MAX: variants seen among roughly 807,000 people sequenced by gnomAD.
MAX encodes MYC associated transcriptional regulator X.
MAX carries 3 observed loss-of-function variants against 22.3 expected under a neutral mutation model. The ratio of observed to expected loss-of-function variants is 0.13; its 90% CI spans 0.06 to 0.35. The LOEUF (loss-of-function observed/expected upper bound fraction) is 0.35. Ranked by LOEUF, MAX falls within the 10% of genes least tolerant of loss-of-function variation. The probability of loss-of-function intolerance (pLI) is 1.00; values close to 1 mark genes in which losing one functional copy is unlikely to be tolerated. For missense variants in MAX, 119 were observed against 209.4 expected, an observed-to-expected ratio of 0.57 and a Z score of 2.66; for synonymous variants, 72 against 77.7, an observed-to-expected ratio of 0.93 and a Z score of 0.39.
chr14:65,061,060 T>TCAAAAA, intron 3 of MAX: 1 of 1,486,086 alleles, frequency 6.7e-7, no homozygotes, highest in South Asian at 1.3e-5. Flanking sequence ...CCTTTGGGCT[T>TCAAAAA]TGTGTGTATC....
At position 65,102,467 on chromosome 14, in the gene MAX, G is replaced by GCTCT. The variant is rs1325307213; in HGVS notation, c.-132_-129dup. 6.6e-6 allele frequency: 10 copies of GCTCT among 1,523,134 alleles called. No individual in the cohort carries two copies. Among genetic ancestry groups the GCTCT allele is most frequent in the Non-Finnish European group, 8.8e-6 (10 of 1,137,158 alleles). The allele number at this position is 1,523,134 out of a possible 1,614,324, so 94.4% of individuals were successfully genotyped here. ...CACACACTCACTCACTCACTCACTC[G>GCTCT]CTCTCTCACTCACACACACACACAA... On this transcript the variant is annotated 5_prime_UTR_variant, in exon 1 of 5. Coordinates refer to ENST00000358664, the MANE Select transcript of MAX (RefSeq NM_002382.5).
intron 3 of MAX, chr14:65,016,382 T>C (rs1048938306): frequency 1.3e-5 from 2 of 152,222 alleles, no homozygotes; most frequent in Non-Finnish European, 2.9e-5. Context: ...GTCCTAGGGA[T>C]ACCTGGAATA....
At chr14:65,036,128 C>G (rs2062186048) in intron 3 of MAX, among the ~76,000 whole-genome samples, 1 of 152,134 alleles carries the variant, frequency 6.6e-6, no homozygotes, top group South Asian at 2.1e-4. Context: ...CCACGATGGC[C>G]AGCCTGCCAT....
intron 3 of MAX, among the ~76,000 whole-genome samples, chr14:65,060,030 A>G (rs1377205937): frequency 6.6e-6 from 1 of 151,216 alleles, no homozygotes; most frequent in Non-Finnish European, 1.5e-5. Context: ...ACGGGGTTTC[A>G]CCATCTTGGC....
intron 3 of MAX, chr14:65,053,471 C>A: frequency 2.4e-6 from 2 of 850,580 alleles, no homozygotes; most frequent in Non-Finnish European, 3.1e-6. Flanking sequence ...ACCTGCATAG[C>A]GCTAGGTTGT....
At chr14:65,043,283 C>G (rs927975340) in intron 3 of MAX, among the ~76,000 whole-genome samples, 20 of 152,190 alleles carry the variant, frequency 1.3e-4, no homozygotes, top group African/African-American at 4.8e-4. Context: ...GTTTAGAAAA[C>G]TTGTAGATAA....
At chr14:65,039,448 A>G (rs1187136216) in intron 3 of MAX, among the ~76,000 whole-genome samples, 1 of 152,184 alleles carries the variant, frequency 6.6e-6, no homozygotes, top group East Asian at 1.9e-4. Flanking sequence ...GGATTTGAGT[A>G]GGGGACTTAA....
rs2062517285 is a variant in MAX at position 65,047,860 on chromosome 14, G to A, written c.172-41576C>T. On this transcript the variant is annotated intron_variant, in intron 3 of 3. Coordinates refer to the MAX transcript ENST00000341653. This position sits in a 1 kb window ranked among gnomAD's most constrained non-coding sequence, Gnocchi z 5.2. ...GGGGCGGGGCCTGGAGCAGTGCCTG[G>A]GCACACAGCCCGAGATGTACACAGC... Among the ~76,000 whole-genome samples the A allele has an allele frequency of 6.6e-6, 1 of 151,448 alleles. No homozygotes were observed. Among genetic ancestry groups the A allele is most frequent in the Non-Finnish European group, 1.5e-5 (1 of 67,844 alleles).
chr14:65,040,839 C>T (rs2062335298), intron 3 of MAX: 1 of 1,613,836 alleles, frequency 6.2e-7, no homozygotes, highest in Non-Finnish European at 8.5e-7. Flanking sequence ...GATGGAAGCC[C>T]ATGGTGGCTA....
At chr14:65,102,071 G>A (rs1291329107) in intron 1 of MAX, among the ~76,000 whole-genome samples, 1 of 152,194 alleles carries the variant, frequency 6.6e-6, no homozygotes, top group Admixed American at 6.5e-5. Flanking sequence ...AAGGGAGGAG[G>A]TGGGGGTCCC....
chr14:65,040,063 G>A (rs931486026), intron 3 of MAX, among the ~76,000 whole-genome samples: 1 of 152,020 alleles, frequency 6.6e-6, no homozygotes, highest in African/African-American at 2.4e-5. Context: ...GGTGGGGCAC[G>A]CCCATAGTCC....
intron 3 of MAX, among the ~76,000 whole-genome samples, chr14:65,060,919 A>G (rs2062852571): frequency 6.7e-6 from 1 of 149,632 alleles, no homozygotes; most frequent in Non-Finnish European, 1.5e-5. Context: ...TATTGTACAT[A>G]CTGTTTTCTC....
chr14:65,082,133 T>C lies in MAX; in HGVS notation c.172-4097A>G, dbSNP rs1460677716. 1.3e-5 allele frequency: 2 copies of C among 152,308 alleles called. No homozygotes were observed. Among genetic ancestry groups the C allele is most frequent in the East Asian group, 3.9e-4 (2 of 5,180 alleles). The allele number at this position is 152,308 out of a possible 1,614,324, so 9.4% of individuals were successfully genotyped here. ...CAGAGCTGTAATTTACCCAATGTTA[T>C]GTAAACTAATAGGAAGTTGAGTCAG... On this transcript the variant is annotated intron_variant, in intron 3 of 4. Transcript: ENST00000358664. The surrounding 1 kb of genome is among the most constrained non-coding windows in gnomAD (Gnocchi z 4.8).
At position 65,069,418 on chromosome 14, in the gene MAX, G is replaced by A. The variant is rs1397337173; in HGVS notation, c.171+24290C>T. On this transcript the variant is annotated intron_variant, in intron 3 of 3. Transcript: ENST00000341653. This position sits in a 1 kb window ranked among gnomAD's most constrained non-coding sequence, Gnocchi z 4.6. ...GAGGGCCCATCTCCTGAACTCCTCT[G>A]GCATTCAGAGCCCAGACGTGCATTT... is the stretch of plus-strand genomic sequence containing the variant. 1.3e-5 allele frequency among the ~76,000 whole-genome samples: 2 copies of A among 152,184 alleles called. No homozygotes were observed. The highest frequency in any genetic ancestry group is 2.1e-4 in the South Asian group (1 of 4,826).
At chr14:65,006,229 A>G in exon 4 of MAX, 1 of 1,613,488 alleles carries the variant, frequency 6.2e-7, no homozygotes, top group Non-Finnish European at 8.5e-7. Flanking sequence ...AACAGTTGGA[A>G]AAGGCAAGTG....
Position 65,101,452 on chromosome 14 carries a change from TTAAAAG to T in MAX, c.63+88_63+93del. 3 of 1,155,502 alleles carry T rather than the reference TTAAAAG, an allele frequency of 2.6e-6. No homozygotes were observed. In the South Asian group the frequency reaches 4.1e-5, roughly 16 times the overall value. The allele number at this position is 1,155,502 out of a possible 1,614,324, so 71.6% of individuals were successfully genotyped here. ...GTTAACATTAGAGTTTACTACAATA[TTAAAAG>T]TAATAGTACGATCTCTTTTTCTCTC... On this transcript the variant is annotated intron_variant, in intron 2 of 4. Coordinates refer to ENST00000358664, the MANE Select transcript of MAX (RefSeq NM_002382.5).
chr14:65,053,626 T>TAAAAAAACAAAAA (rs2062662344), intron 3 of MAX, among the ~76,000 whole-genome samples: 1 of 144,324 alleles, frequency 6.9e-6, no homozygotes, highest in African/African-American at 2.7e-5. Context: ...TTCTTTTTTT[T>TAAAAAAACAAAAA]AAAAAAAACA....
chr14:65,052,645 G>C (rs866699415), intron 3 of MAX, among the ~76,000 whole-genome samples: 2 of 152,170 alleles, frequency 1.3e-5, no homozygotes, highest in South Asian at 4.1e-4. Flanking sequence ...AGAATACCCA[G>C]TTTTTGCTAG....
chr14:65,099,539 C>A (rs1270073), intron 2 of MAX, among the ~76,000 whole-genome samples: 63,034 of 142,382 alleles, frequency 0.44, 15,063 homozygotes, highest in African/African-American at 0.69. Flanking sequence ...ACCAAAAAAA[C>A]AAACAAACAA....
Sources: allele counts gnomAD v4.1 joint callset (sites outside exome capture counted in the v4.1 genomes callset), GRCh38; gene constraint gnomAD v4.1.1; non-coding constraint Gnocchi (gnomAD v3.1); transcripts MANE v1.5; gene names NCBI Gene and HGNC (gene_info 2026-07-23, HGNC 2026-07-21).